SMYD3: variants seen among roughly 807,000 people sequenced by gnomAD.
The protein encoded by SMYD3 is histone-lysine N-methyltransferase SMYD3.
Under a neutral mutation model 57.7 loss-of-function variants are expected in SMYD3, and 36 were observed. The observed-to-expected ratio is 0.62, with a 90% CI of 0.48 to 0.82. The LOEUF (loss-of-function observed/expected upper bound fraction) is 0.82. SMYD3 is among the 40% of genes least tolerant of loss of function. The probability of loss-of-function intolerance (pLI) is 0.00; values close to 1 mark genes in which losing one functional copy is unlikely to be tolerated. For missense variants in SMYD3, 515 were observed against 538.8 expected, an observed-to-expected ratio of 0.96 and a Z score of 0.44; for synonymous variants, 211 against 195.0, an observed-to-expected ratio of 1.08 and a Z score of -0.68.
chr1:246,263,606 A>G (rs909065534), intron 5 of SMYD3, among the ~76,000 whole-genome samples: 2 of 152,190 alleles, frequency 1.3e-5, no homozygotes, highest in Non-Finnish European at 2.9e-5. Flanking sequence ...AAACACAAAC[A>G]TACTTTTTCA....
chr1:246,090,998 G>T (rs1246021766), intron 5 of SMYD3, among the ~76,000 whole-genome samples: 1 of 152,168 alleles, frequency 6.6e-6, no homozygotes, highest in Non-Finnish European at 1.5e-5. Flanking sequence ...GTGAGCAGAG[G>T]AACGGACTCC....
intron 11 of SMYD3, among the ~76,000 whole-genome samples, chr1:245,749,984 A>G (rs778469228): frequency 8.5e-5 from 13 of 152,186 alleles, no homozygotes; most frequent in Non-Finnish European, 1.8e-4. Flanking sequence ...AAAATGATTG[A>G]GTCATATGAA....
At chr1:245,833,439 T>C (rs756082910) in intron 10 of SMYD3, among the ~76,000 whole-genome samples, 5 of 152,116 alleles carry the variant, frequency 3.3e-5, no homozygotes, top group African/African-American at 4.8e-5. Flanking sequence ...CCAAATGTAC[T>C]GTACAATGTA....
chr1:246,271,156 T>G (rs1055533127), intron 5 of SMYD3, among the ~76,000 whole-genome samples: 3 of 152,208 alleles, frequency 2.0e-5, no homozygotes, highest in South Asian at 2.1e-4. Context: ...AAAATCATGT[T>G]GCTTTTCTAT....
intron 1 of SMYD3, among the ~76,000 whole-genome samples, chr1:246,442,573 AGAC>A (rs2067486728): frequency 6.7e-6 from 1 of 149,678 alleles, no homozygotes; most frequent in East Asian, 2.0e-4. Context: ...TAATAAAAAA[AGAC>A]TACTGAAAAG....
intron 1 of SMYD3, among the ~76,000 whole-genome samples, chr1:246,411,394 AACC>A (rs1173017314): frequency 6.6e-6 from 1 of 152,212 alleles, no homozygotes; most frequent in Non-Finnish European, 1.5e-5. Flanking sequence ...AAACTAGTTC[AACC>A]ATTGTGGAAG....
intron 5 of SMYD3, among the ~76,000 whole-genome samples, chr1:246,044,335 G>C (rs920758174): frequency 2.0e-5 from 3 of 152,170 alleles, no homozygotes; most frequent in African/African-American, 7.2e-5. Context: ...TTCTGGGTAA[G>C]ATACACAGGT....
At chr1:246,340,566 AT>A (rs1477679285) in intron 2 of SMYD3, among the ~76,000 whole-genome samples, 2 of 152,158 alleles carry the variant, frequency 1.3e-5, no homozygotes, top group Non-Finnish European at 2.9e-5. Context: ...AACTGGCAGT[AT>A]TTAGAAGCAT....
At chr1:246,062,796 CTGAA>C (rs548766115) in intron 5 of SMYD3, among the ~76,000 whole-genome samples, 113 of 152,128 alleles carry the variant, frequency 7.4e-4, no homozygotes, top group African/African-American at 2.6e-3. Context: ...CAAATGCTTG[CTGAA>C]TGAATTAATT....
At chr1:245,892,626 T>C (rs1290136059) in intron 8 of SMYD3, among the ~76,000 whole-genome samples, 1 of 152,336 alleles carries the variant, frequency 6.6e-6, no homozygotes, top group East Asian at 1.9e-4. Context: ...GTACTCTTTG[T>C]ATAATATCCT....
At chr1:245,908,028 C>A (rs1417172206) in intron 8 of SMYD3, among the ~76,000 whole-genome samples, 2 of 151,980 alleles carry the variant, frequency 1.3e-5, no homozygotes, top group African/African-American at 4.8e-5. Flanking sequence ...CCCAGCTACT[C>A]AGGAAGCTGA....
chr1:245,879,725 A>C (rs546372556), intron 8 of SMYD3, among the ~76,000 whole-genome samples: 11 of 152,318 alleles, frequency 7.2e-5, no homozygotes, highest in African/African-American at 2.6e-4. Flanking sequence ...AACTATTCTT[A>C]CTCCACTCTG....
At chr1:246,374,154 TA>T (rs767353390) in intron 1 of SMYD3, among the ~76,000 whole-genome samples, 1 of 149,488 alleles carries the variant, frequency 6.7e-6, no homozygotes. Context: ...AATCTAAACT[TA>T]AAAAAAAAAT....
intron 5 of SMYD3, among the ~76,000 whole-genome samples, chr1:246,269,594 G>A (rs1256520356): frequency 6.9e-6 from 1 of 145,762 alleles, no homozygotes; most frequent in African/African-American, 2.5e-5. Flanking sequence ...TTTGAGGCAG[G>A]CTCTTGTTCT....
intron 10 of SMYD3, among the ~76,000 whole-genome samples, chr1:245,820,195 C>T (rs1355205582): frequency 6.6e-6 from 1 of 150,714 alleles, no homozygotes; most frequent in East Asian, 2.0e-4. Flanking sequence ...AGCTTATCCA[C>T]CATGATCAAG....
chr1:246,416,071 T>C (rs2067056020), intron 1 of SMYD3, among the ~76,000 whole-genome samples: 1 of 152,254 alleles, frequency 6.6e-6, no homozygotes, highest in African/African-American at 2.4e-5. Context: ...CTATGTTGCA[T>C]ACAGTACAAT....
At chr1:246,380,973 T>A (rs2066378701) in intron 1 of SMYD3, among the ~76,000 whole-genome samples, 1 of 152,148 alleles carries the variant, frequency 6.6e-6, no homozygotes, top group South Asian at 2.1e-4. Flanking sequence ...TCGCTAAGAA[T>A]GATGTTGCCA....
chr1:246,326,248 C>T, intron 5 of SMYD3: 1 of 471,606 alleles, frequency 2.1e-6, no homozygotes, highest in Non-Finnish European at 3.8e-6. Flanking sequence ...TAAAGTTTTA[C>T]TTGTTATTAA....
At chr1:246,338,444 C>T (rs2065578994) in intron 2 of SMYD3, among the ~76,000 whole-genome samples, 1 of 152,188 alleles carries the variant, frequency 6.6e-6, no homozygotes, top group South Asian at 2.1e-4. Flanking sequence ...AAAAGACAAC[C>T]TTCCTGATTT....
Sources: gnomAD v4.1 joint callset for allele counts (sites outside exome capture counted in the v4.1 genomes callset) on GRCh38, gnomAD v4.1.1 for gene constraint, MANE v1.5 for transcripts, NCBI Gene and HGNC (gene_info 2026-07-23, HGNC 2026-07-21) for gene names.